Variants in BTRC observed in about 807,000 individuals in gnomAD.
BTRC encodes the protein F-box/WD repeat-containing protein 1A.
A neutral mutation model predicts 85.5 loss-of-function variants in BTRC; 42 were observed. That is an observed-to-expected ratio of 0.49 (90% CI 0.38 to 0.64). The LOEUF is 0.64. BTRC is among the 30% of genes least tolerant of loss of function. The pLI, the probability that BTRC is intolerant of heterozygous loss-of-function variation, is 0.00. For synonymous variants in BTRC, 255 were observed against 263.3 expected, an observed-to-expected ratio of 0.97 and a Z score of 0.30; for missense variants, 594 against 743.5, an observed-to-expected ratio of 0.80 and a Z score of 2.34.
chr10:101,383,507 T>G (rs76838593), intron 1 of BTRC, among the ~76,000 whole-genome samples: 10,107 of 152,188 alleles, frequency 0.066, 355 homozygotes, highest in Non-Finnish European at 0.074. Context: ...TTTTCTTCCT[T>G]TCTTCTTTTC....
At position 101,547,283 on chromosome 10, in the gene BTRC, G is replaced by T. The variant is rs1335440865; in HGVS notation, c.1657-3416G>T. On this transcript the variant is annotated intron_variant, in intron 13 of 14. Coordinates refer to ENST00000370187, the MANE Select transcript of BTRC (RefSeq NM_033637.4). ...ACACCATTTCTAGCCTGGGTGACAA[G>T]AACGAAACTCCATCTCAAAATAAAT... Among the ~76,000 whole-genome samples the T allele has an allele frequency of 3.5e-5, 5 of 141,130 alleles. No individual in the cohort carries two copies. The South Asian group carries it at 1.0e-3, about 28-fold the overall frequency. The allele number at this position is 141,130 out of a possible 152,430, so 92.6% of individuals were successfully genotyped here.
intron 1 of BTRC, among the ~76,000 whole-genome samples, chr10:101,364,406 C>G (rs1942304127): frequency 6.6e-6 from 1 of 152,128 alleles, no homozygotes; most frequent in African/African-American, 2.4e-5. Context: ...CTTGATGTCA[C>G]TGGAATGGCA....
intron 13 of BTRC, among the ~76,000 whole-genome samples, chr10:101,549,692 C>T (rs976627314): frequency 2.1e-5 from 2 of 94,254 alleles, no homozygotes; most frequent in Non-Finnish European, 3.6e-5. Context: ...CCAGCAGGGG[C>T]GAAAGAGCGA....
chr10:101,394,748 C>T (rs944461197), intron 1 of BTRC, among the ~76,000 whole-genome samples: 2 of 152,128 alleles, frequency 1.3e-5, no homozygotes, highest in Non-Finnish European at 2.9e-5. Context: ...CTGCAGTTCC[C>T]TGTAGAGTAG....
chr10:101,401,131 A>G (rs80235540), intron 1 of BTRC, among the ~76,000 whole-genome samples: 2,676 of 152,316 alleles, frequency 0.018, 76 homozygotes, highest in East Asian at 0.064. Context: ...ATGAGATTTG[A>G]CTTGAATTTA....
chr10:101,505,638 A>T (rs558480139), intron 4 of BTRC, among the ~76,000 whole-genome samples: 2,284 of 135,686 alleles, frequency 0.017, 34 homozygotes, highest in South Asian at 0.029. Context: ...AAAAAAAAAA[A>T]AATAATAATA....
Position 101,535,037 on chromosome 10 carries a change from C to G in BTRC, c.1347+127C>G. 9 of 1,122,276 alleles carry G rather than the reference C, an allele frequency of 8.0e-6. No individual in the cohort carries two copies. The South Asian group carries it at 1.3e-4, about 16-fold the overall frequency. The allele number at this position is 1,122,276 out of a possible 1,614,324, so 69.5% of individuals were successfully genotyped here. On this transcript the variant is annotated intron_variant, in intron 10 of 14. Coordinates refer to ENST00000370187, the MANE Select transcript of BTRC (RefSeq NM_033637.4). The stretch of plus-strand genomic sequence containing the variant: ...TGTAATATTTAATTCAGAGACTAGT[C>G]TACAAGTGAAAAGGTGTAATAAGTG...
At chr10:101,355,769 C>T (rs1942016736) in intron 1 of BTRC, among the ~76,000 whole-genome samples, 1 of 152,160 alleles carries the variant, frequency 6.6e-6, no homozygotes, top group African/African-American at 2.4e-5. Flanking sequence ...TTTTTGGAAT[C>T]TAGTCAAATT....
intron 2 of BTRC, among the ~76,000 whole-genome samples, chr10:101,457,579 G>C (rs1212087641): frequency 6.6e-6 from 1 of 152,154 alleles, no homozygotes; most frequent in East Asian, 1.9e-4. Context: ...CTACTGTAAT[G>C]CTATTCATAG....
intron 1 of BTRC, among the ~76,000 whole-genome samples, chr10:101,416,082 C>T (rs1295084464): frequency 6.6e-6 from 1 of 152,016 alleles, no homozygotes; most frequent in East Asian, 1.9e-4. Flanking sequence ...AGAATGTATC[C>T]CCTTTGTTAA....
intron 13 of BTRC, among the ~76,000 whole-genome samples, chr10:101,548,323 C>T (rs962044866): frequency 2.0e-5 from 3 of 152,200 alleles, no homozygotes; most frequent in African/African-American, 4.8e-5. Flanking sequence ...CTATAATCAG[C>T]CCCTATGTCC....
intron 1 of BTRC, among the ~76,000 whole-genome samples, chr10:101,384,232 T>TA (rs1344200562): frequency 6.6e-6 from 1 of 152,248 alleles, no homozygotes; most frequent in Non-Finnish European, 1.5e-5. Context: ...TTTTCACTTT[T>TA]ACAGAAGTTG....
At chr10:101,421,603 C>T (rs1361953653) in intron 1 of BTRC, among the ~76,000 whole-genome samples, 1 of 140,154 alleles carries the variant, frequency 7.1e-6, no homozygotes, top group East Asian at 2.2e-4. Context: ...TCTCCTAATG[C>T]TATCCCTCCC....
At chr10:101,433,900 CTTTTGT>C (rs1326605576) in intron 2 of BTRC, among the ~76,000 whole-genome samples, 1 of 151,694 alleles carries the variant, frequency 6.6e-6, no homozygotes, top group Non-Finnish European at 1.5e-5. Context: ...CCCCAAAGTG[CTTTTGT>C]TTATATGGCT....
chr10:101,392,854 G>A (rs1228427498), intron 1 of BTRC, among the ~76,000 whole-genome samples: 1 of 152,170 alleles, frequency 6.6e-6, no homozygotes, highest in East Asian at 1.9e-4. Flanking sequence ...CCCCTGTGGT[G>A]CTATATATGT....
chr10:101,354,557 T>C (rs1429042624), intron 1 of BTRC: 4 of 365,776 alleles, frequency 1.1e-5, no homozygotes, highest in Admixed American at 4.8e-5. Context: ...GGAAGCTCTC[T>C]GGAGAAACGC....
At chr10:101,410,975 T>C (rs1030592859) in intron 1 of BTRC, among the ~76,000 whole-genome samples, 9 of 151,644 alleles carry the variant, frequency 5.9e-5, no homozygotes, top group East Asian at 2.0e-4. Context: ...TTTAAAAATA[T>C]TGACATTTGT....
At chr10:101,528,052 G>A (rs2134396476) in intron 6 of BTRC, among the ~76,000 whole-genome samples, 1 of 152,160 alleles carries the variant, frequency 6.6e-6, no homozygotes, top group South Asian at 2.1e-4. Context: ...AAATTTTAGG[G>A]CAGCTGAGAA....
chr10:101,504,082 G>T (rs1170983935), intron 4 of BTRC, among the ~76,000 whole-genome samples: 1 of 152,156 alleles, frequency 6.6e-6, no homozygotes, highest in Non-Finnish European at 1.5e-5. Flanking sequence ...GGTAAGTTGG[G>T]CAGAAGACTC....
Sources: allele counts gnomAD v4.1 joint callset (sites outside exome capture counted in the v4.1 genomes callset), GRCh38; gene constraint gnomAD v4.1.1; transcripts MANE v1.5; gene names NCBI Gene and HGNC (gene_info 2026-07-23, HGNC 2026-07-21).